Variants in FAF1 observed in about 807,000 individuals in gnomAD.
FAF1 encodes Fas associated factor 1.
In FAF1, 25 loss-of-function variants were observed where a neutral mutation model predicts 92.5. That is an observed-to-expected ratio of 0.27 (90% CI 0.20 to 0.38). The LOEUF is 0.38. Among genes scored for constraint, FAF1 ranks in the 10% least tolerant of loss-of-function variants. The probability of loss-of-function intolerance (pLI) is 1.00; values close to 1 mark genes in which losing one functional copy is unlikely to be tolerated. For synonymous variants in FAF1, 234 were observed against 273.2 expected, an observed-to-expected ratio of 0.86 and a Z score of 1.42; for missense variants, 636 against 793.3, an observed-to-expected ratio of 0.80 and a Z score of 2.38.
intron 4 of FAF1, among the ~76,000 whole-genome samples, chr1:50,756,906 G>C (rs1218826483): frequency 6.6e-6 from 1 of 152,162 alleles, no homozygotes; most frequent in Non-Finnish European, 1.5e-5. Flanking sequence ...GTCCCTCCCT[G>C]TGGGAATTCA....
chr1:50,789,710 A>G (rs988665202), intron 3 of FAF1, among the ~76,000 whole-genome samples: 2 of 151,664 alleles, frequency 1.3e-5, no homozygotes, highest in African/African-American at 4.9e-5. Context: ...TAAAGACACA[A>G]ATGTCTTCAT....
chr1:50,574,701 T>C (rs1421431691), intron 12 of FAF1, among the ~76,000 whole-genome samples: 1 of 152,076 alleles, frequency 6.6e-6, no homozygotes, highest in African/African-American at 2.4e-5. Context: ...GACTTGAAGA[T>C]AAATTAATAA....
At chr1:50,757,493 T>G (rs1660122191) in intron 4 of FAF1, among the ~76,000 whole-genome samples, 1 of 152,234 alleles carries the variant, frequency 6.6e-6, no homozygotes, top group Non-Finnish European at 1.5e-5. Context: ...GTTTCATTAT[T>G]ATGAAATGTC....
chr1:50,810,473 C>T (rs531986713), intron 2 of FAF1, among the ~76,000 whole-genome samples: 77 of 152,282 alleles, frequency 5.1e-4, no homozygotes, highest in African/African-American at 1.8e-3. Flanking sequence ...TAGCCAACAT[C>T]ACACTGAATG....
chr1:50,933,348 C>G (rs1413191050), intron 1 of FAF1, among the ~76,000 whole-genome samples: 1 of 152,122 alleles, frequency 6.6e-6, no homozygotes, highest in Non-Finnish European at 1.5e-5. Context: ...GCCAGATACC[C>G]TAAATCATCT....
At chr1:50,773,880 G>A (rs753680919) in intron 4 of FAF1, among the ~76,000 whole-genome samples, 36 of 152,096 alleles carry the variant, frequency 2.4e-4, no homozygotes, top group Non-Finnish European at 2.2e-4. Flanking sequence ...TGACGGATAC[G>A]TATTTACTCA....
Position 50,485,880 on chromosome 1 carries a change from G to A in FAF1, c.1653+4708C>T, listed in dbSNP as rs554758812. 2.0e-5 allele frequency among the ~76,000 whole-genome samples: 3 copies of A among 152,080 alleles called. No homozygotes were observed. In the South Asian group the frequency reaches 6.2e-4, roughly 32 times the overall value. On this transcript the variant is annotated intron_variant, in intron 17 of 18. Transcript: ENST00000396153. ...CAGGGGAGAGAGAGAGAGAACAACGGAGGAAGTGCCACATTTTTAATCCAT... is the reference window on the plus strand; with the variant it reads ...CAGGGGAGAGAGAGAGAGAACAACGAAGGAAGTGCCACATTTTTAATCCAT...
chr1:50,643,483 T>C (rs977608262), intron 8 of FAF1, among the ~76,000 whole-genome samples: 6 of 152,218 alleles, frequency 3.9e-5, no homozygotes, highest in Non-Finnish European at 7.4e-5. Context: ...AATTCACTGA[T>C]CTTTTCTTGG....
intron 18 of FAF1, among the ~76,000 whole-genome samples, chr1:50,471,323 A>C (rs1273484130): frequency 6.6e-6 from 1 of 152,144 alleles, no homozygotes; most frequent in African/African-American, 2.4e-5. Context: ...TAGCATAATA[A>C]AAGTGGATGG....
chr1:50,752,449 T>C (rs977689276), intron 4 of FAF1, among the ~76,000 whole-genome samples: 30 of 152,226 alleles, frequency 2.0e-4, no homozygotes, highest in African/African-American at 2.7e-4. Flanking sequence ...TTATAGTCCA[T>C]GTAATGTACG....
At chr1:50,896,074 G>A (rs1428434623) in intron 1 of FAF1, among the ~76,000 whole-genome samples, 1 of 152,094 alleles carries the variant, frequency 6.6e-6, no homozygotes, top group East Asian at 1.9e-4. Flanking sequence ...ACAAATAAAG[G>A]GTATCCAAAT....
At chr1:50,621,204 T>C (rs1335409319) in intron 8 of FAF1, among the ~76,000 whole-genome samples, 1 of 152,110 alleles carries the variant, frequency 6.6e-6, no homozygotes, top group African/African-American at 2.4e-5. Flanking sequence ...GGGTTTCTGA[T>C]GTGCTCCTGA....
intron 2 of FAF1, among the ~76,000 whole-genome samples, chr1:50,828,459 C>T (rs563965734): frequency 3.3e-5 from 5 of 151,866 alleles, no homozygotes; most frequent in Non-Finnish European, 5.9e-5. Context: ...TTAGTAGAGA[C>T]GGGGTTTCAC....
At chr1:50,498,252 A>C (rs1282896889) in intron 15 of FAF1, among the ~76,000 whole-genome samples, 1 of 152,218 alleles carries the variant, frequency 6.6e-6, no homozygotes, top group Non-Finnish European at 1.5e-5. Flanking sequence ...CATATTAAAA[A>C]AAAAGCTTAA....
rs115759222 is a variant in FAF1, at chr1:50,897,661, C to T, written c.46-39664G>A. Among the ~76,000 whole-genome samples the T allele has an allele frequency of 5.5e-3, 835 of 152,270 alleles. 3 individuals are homozygous for T. The highest frequency in any genetic ancestry group is 8.6e-3 in the Admixed American group (132 of 15,294). Reference sequence around the variant, plus strand: ...CATTTCTAATTTTATAGAACAAGGACAAAATGGACTGTGGTATTGAACCCA... The same window carrying T: ...CATTTCTAATTTTATAGAACAAGGATAAAATGGACTGTGGTATTGAACCCA... On this transcript the variant is annotated intron_variant, in intron 1 of 18. Transcript: ENST00000396153.
At chr1:50,554,335 C>A (rs1020901520) in intron 13 of FAF1, among the ~76,000 whole-genome samples, 1 of 144,290 alleles carries the variant, frequency 6.9e-6, no homozygotes, top group Non-Finnish European at 1.5e-5. Flanking sequence ...ATTTACCCTG[C>A]AGAATTGTGG....
chr1:50,917,386 A>C (rs1644925650), intron 1 of FAF1, among the ~76,000 whole-genome samples: 2 of 152,268 alleles, frequency 1.3e-5, no homozygotes, highest in South Asian at 4.1e-4. Context: ...CAAGAACTTG[A>C]AAATACAGGC....
Position 50,585,125 on chromosome 1 carries a change from T to C in FAF1, c.841-314A>G, listed in dbSNP as rs1484875904. 2.0e-5 allele frequency among the ~76,000 whole-genome samples: 3 copies of C among 152,152 alleles called. No homozygotes were observed. The East Asian group carries it at 5.8e-4, about 29-fold the overall frequency. ...AGTGCAAAACAAATGAGAAAATGGG[T>C]ACAACTGGAGAAGTCAGAGACAAAG... On this transcript the variant is annotated intron_variant, in intron 9 of 18. Transcript: ENST00000396153.
intron 1 of FAF1, among the ~76,000 whole-genome samples, chr1:50,926,121 G>C (rs114269807): frequency 0.013 from 2,044 of 152,244 alleles, 44 homozygotes; most frequent in African/African-American, 0.045. Flanking sequence ...GGAGACTGAG[G>C]GGGGAGGATC....
Sources: gnomAD v4.1 joint callset for allele counts (sites outside exome capture counted in the v4.1 genomes callset) on GRCh38, gnomAD v4.1.1 for gene constraint, MANE v1.5 for transcripts, NCBI Gene and HGNC (gene_info 2026-07-23, HGNC 2026-07-21) for gene names.